SOX6: variants seen among roughly 807,000 people sequenced by gnomAD.
The protein encoded by SOX6 is transcription factor SOX-6.
Under a neutral mutation model 97.8 loss-of-function variants are expected in SOX6, and 11 were observed. That is an observed-to-expected ratio of 0.11 (90% CI 0.07 to 0.19). SOX6 has a LOEUF of 0.19. SOX6 is among the 10% of genes least tolerant of loss of function. SOX6 has a pLI of 1.00. For missense variants in SOX6, 810 were observed against 1,039.5 expected (o/e 0.78, Z 3.04); for synonymous variants, 360 against 371.4 (o/e 0.97, Z 0.35).
intron 3 of SOX6, among the ~76,000 whole-genome samples, chr11:16,619,788 C>A (rs537708916): frequency 6.6e-6 from 1 of 152,124 alleles, no homozygotes; most frequent in East Asian, 1.9e-4. Flanking sequence ...TGAAAAAATG[C>A]AACATAAAAT....
intron 6 of SOX6, among the ~76,000 whole-genome samples, chr11:16,160,602 T>A (rs977228413): frequency 6.6e-6 from 1 of 152,214 alleles, no homozygotes; most frequent in Admixed American, 6.5e-5. Context: ...ATCCTTTATG[T>A]TAAAGCAGAG....
chr11:16,481,081 T>C (rs554565580), upstream of SOX6, among the ~76,000 whole-genome samples: 7 of 152,288 alleles, frequency 4.6e-5, no homozygotes, highest in East Asian at 1.9e-4. Flanking sequence ...GCATTAAAAC[T>C]ATTGCTATTT....
At chr11:15,996,470 G>A (rs1184521474) in intron 13 of SOX6, among the ~76,000 whole-genome samples, 1 of 151,662 alleles carries the variant, frequency 6.6e-6, no homozygotes, top group Non-Finnish European at 1.5e-5. Context: ...CTCTACAAAA[G>A]GTTAAAAAAT....
intron 1 of SOX6, chr11:16,402,901 G>A: frequency 1.4e-6 from 2 of 1,472,548 alleles, no homozygotes; most frequent in Non-Finnish European, 1.8e-6. Flanking sequence ...ATTCCAGATT[G>A]TCATAAAAAG....
chr11:16,681,661 A>G (rs545992899), intron 3 of SOX6, among the ~76,000 whole-genome samples: 26 of 152,314 alleles, frequency 1.7e-4, no homozygotes, highest in African/African-American at 5.3e-4. Context: ...AAAAAAATCA[A>G]TGAATCCAGG....
At chr11:16,090,056 T>C (rs1334800670) in intron 9 of SOX6, among the ~76,000 whole-genome samples, 5 of 152,098 alleles carry the variant, frequency 3.3e-5, no homozygotes, top group African/African-American at 1.2e-4. Context: ...AAACTTCAGT[T>C]TGGTAAAACA....
intron 1 of SOX6, among the ~76,000 whole-genome samples, chr11:16,474,867 A>G (rs1439099332): frequency 1.3e-5 from 2 of 152,090 alleles, no homozygotes; most frequent in East Asian, 3.9e-4. Flanking sequence ...TTCTTCCCAT[A>G]TAAGGCTGTT....
intron 4 of SOX6, among the ~76,000 whole-genome samples, chr11:16,507,438 A>G (rs1860806752): frequency 6.6e-6 from 1 of 152,204 alleles, no homozygotes; most frequent in Admixed American, 6.5e-5. Flanking sequence ...ATGAAACTAA[A>G]AAAAGGGCCC....
chr11:16,695,272 T>G (rs1307987411), intron 3 of SOX6, among the ~76,000 whole-genome samples: 1 of 152,226 alleles, frequency 6.6e-6, no homozygotes, highest in Non-Finnish European at 1.5e-5. Flanking sequence ...AATTCTGCAT[T>G]TTATACTTAG....
At chr11:16,578,900 C>A (rs1848007020) in intron 4 of SOX6, among the ~76,000 whole-genome samples, 1 of 152,102 alleles carries the variant, frequency 6.6e-6, no homozygotes, top group Admixed American at 6.6e-5. Context: ...ACTAAGAAGA[C>A]TTTCATTTAA....
At chr11:16,404,873 G>T (rs1858652666) in intron 1 of SOX6, among the ~76,000 whole-genome samples, 1 of 151,934 alleles carries the variant, frequency 6.6e-6, no homozygotes, top group South Asian at 2.1e-4. Flanking sequence ...TTATGCAAAT[G>T]GACAAAACAC....
intron 3 of SOX6, among the ~76,000 whole-genome samples, chr11:16,641,328 A>C (rs1211677810): frequency 6.6e-6 from 1 of 152,150 alleles, no homozygotes; most frequent in Non-Finnish European, 1.5e-5. Context: ...TTTACTTCCA[A>C]CTATGTGGTC....
chr11:16,254,432 A>G (rs1191867943), intron 3 of SOX6, among the ~76,000 whole-genome samples: 3 of 152,112 alleles, frequency 2.0e-5, no homozygotes, highest in Non-Finnish European at 2.9e-5. Context: ...CATTTTTCAT[A>G]TGTATATGCT....
At chr11:16,015,272 G>A (rs1854851252) in intron 12 of SOX6, 2 of 571,680 alleles carry the variant, frequency 3.5e-6, no homozygotes, top group African/African-American at 1.9e-5. Flanking sequence ...AAGGAAAGCT[G>A]TGACAGGGAA....
At chr11:16,299,450 TG>T (rs968568578) in intron 3 of SOX6, among the ~76,000 whole-genome samples, 14 of 152,116 alleles carry the variant, frequency 9.2e-5, no homozygotes, top group Non-Finnish European at 2.1e-4. Context: ...GGGGGAGGGG[TG>T]GGAATCTTTA....
intron 3 of SOX6, among the ~76,000 whole-genome samples, chr11:16,282,377 T>C (rs1297730777): frequency 6.6e-6 from 1 of 151,630 alleles, no homozygotes; most frequent in Non-Finnish European, 1.5e-5. Flanking sequence ...AGAAAGTAGT[T>C]AAGTTTTCTG....
Position 16,605,544 on chromosome 11 carries a change from G to C in SOX6, n.609+6537C>G, listed in dbSNP as rs1848324678. On this transcript the variant is annotated intron_variant and non_coding_transcript_variant, in intron 4 of 5. Transcript: ENST00000524520. This position sits in a 1 kb window ranked among gnomAD's most constrained non-coding sequence, Gnocchi z 5.3. ...TCGAGCGGTGTCCCGAAAAAGTTGC[G>C]GCGGAGCGGCGGTGGGGTGAGGGTG... is the stretch of plus-strand genomic sequence containing the variant. Among the ~76,000 whole-genome samples, 1 of 152,156 alleles carries C rather than the reference G, an allele frequency of 6.6e-6. No individual in the cohort carries two copies. The highest frequency in any genetic ancestry group is 2.1e-4 in the South Asian group (1 of 4,820).
At chr11:16,401,989 A>G (rs1178515556) in intron 1 of SOX6, among the ~76,000 whole-genome samples, 1 of 151,628 alleles carries the variant, frequency 6.6e-6, no homozygotes, top group Non-Finnish European at 1.5e-5. Flanking sequence ...AAGCATACAT[A>G]CACACATCAC....
intron 4 of SOX6, among the ~76,000 whole-genome samples, chr11:16,516,776 T>C (rs1223785089): frequency 2.7e-5 from 4 of 150,688 alleles, no homozygotes; most frequent in African/African-American, 9.8e-5. Context: ...CCATTCCTTC[T>C]GAAACTATTC....
Sources: allele counts gnomAD v4.1 joint callset (sites outside exome capture counted in the v4.1 genomes callset), GRCh38; gene constraint gnomAD v4.1.1; non-coding constraint Gnocchi (gnomAD v3.1); transcripts MANE v1.5; gene names NCBI Gene and HGNC (gene_info 2026-07-23, HGNC 2026-07-21).